The following IGSF10 variants were observed in gnomAD, a reference collection of about 807,000 sequenced individuals.
IGSF10 encodes calvaria mechanical force protein 608.
In IGSF10, 126 loss-of-function variants were observed where a neutral mutation model predicts 128.2. The ratio of observed to expected loss-of-function variants is 0.98; its 90% CI spans 0.85 to 1.14. The LOEUF is 1.14. Among genes scored for constraint, IGSF10 ranks in the 50% most tolerant of loss-of-function variants. The pLI is 0.00. For synonymous variants in IGSF10, 1,185 were observed against 1,146.2 expected (o/e 1.03, Z -0.68); for missense variants, 3,295 against 3,149.8 (o/e 1.05, Z -1.10).
At chr3:151,474,852 T>C in the IGSF10 span, among the ~76,000 whole-genome samples, 3 of 152,166 alleles carry the variant, frequency 2.0e-5, no homozygotes, top group East Asian at 5.8e-4. Flanking sequence ...GGAACTCCTC[T>C]TTCCAAAACC....
upstream of IGSF10, among the ~76,000 whole-genome samples, chr3:151,462,801 G>A (rs890477961): frequency 1.5e-4 from 10 of 65,906 alleles, no homozygotes; most frequent in African/African-American, 5.1e-4. Flanking sequence ...CTAGAAGCAT[G>A]TATATGAACA....
the IGSF10 span, among the ~76,000 whole-genome samples, chr3:151,572,080 G>A: frequency 5.3e-5 from 8 of 152,136 alleles, no homozygotes; most frequent in South Asian, 2.1e-4. Flanking sequence ...CGACTTGATC[G>A]TGGTGGATAA....
the IGSF10 span, among the ~76,000 whole-genome samples, chr3:151,561,242 T>C: frequency 6.6e-6 from 1 of 152,178 alleles, no homozygotes. Flanking sequence ...TAATTTTTTC[T>C]TTAAAACAAA....
At chr3:151,560,835 A>G in the IGSF10 span, among the ~76,000 whole-genome samples, 1 of 152,198 alleles carries the variant, frequency 6.6e-6, no homozygotes, top group African/African-American at 2.4e-5. Context: ...ATGTGTGAGC[A>G]AATTAATCAA....
chr3:151,446,221 TGG>T lies in IGSF10; in HGVS notation c.3758_3759del (p.Thr1253AsnfsTer12). The T allele has an allele frequency of 6.2e-7, 1 of 1,613,570 alleles. No individual in the cohort carries two copies. The highest frequency in any genetic ancestry group is 1.1e-5 in the South Asian group (1 of 91,044). On this transcript the variant is annotated frameshift_variant, in exon 6 of 8. Transcript: ENST00000282466. LOFTEE classifies it high-confidence loss of function. ...ATTTGCATCACACTTGTTGAAAGTG[TGG>T]TGAAATGGAAAGGGGAGACTTTGTC... The part of the protein sequence containing the change: ...PRDKVSPFHF[T>X]TLSTSVMQIP...
chr3:151,453,367 A>C lies in IGSF10; in HGVS notation c.715+17T>G. The C allele has an allele frequency of 6.5e-7, 1 of 1,544,090 alleles. No individual in the cohort carries two copies. Among genetic ancestry groups the C allele is most frequent in the Non-Finnish European group, 8.7e-7 (1 of 1,151,082 alleles). ...TCCTCCACTTAATTGGGACAAAAAA[A>C]TAAACAATATAGATACCTGGCTTCT... On this transcript the variant is annotated intron_variant, in intron 5 of 7. Coordinates refer to ENST00000282466, the MANE Select transcript of IGSF10 (RefSeq NM_178822.5).
the IGSF10 span, among the ~76,000 whole-genome samples, chr3:151,617,320 C>CTTCTTCTTCTTCTCCTCCTCCT: frequency 2.4e-5 from 2 of 83,630 alleles, no homozygotes; most frequent in Admixed American, 1.3e-4. Flanking sequence ...CTTCTTCTTC[C>CTTCTTCTTCTTCTCCTCCTCCT]CCTCCTCCTC....
chr3:151,567,443 A>G, the IGSF10 span, among the ~76,000 whole-genome samples: 26 of 152,152 alleles, frequency 1.7e-4, no homozygotes, highest in Non-Finnish European at 1.3e-4. Context: ...AACAAGAAAA[A>G]CTTTCACTGT....
the IGSF10 span, among the ~76,000 whole-genome samples, chr3:151,594,816 T>C: frequency 6.6e-6 from 1 of 151,840 alleles, no homozygotes; most frequent in Admixed American, 6.6e-5. Flanking sequence ...ACATTCCAGG[T>C]GATATCCTAA....
At position 151,437,606 on chromosome 3, in the gene IGSF10, C is replaced by T; in HGVS notation, c.6955G>A (p.Gly2319Ser). 6.2e-7 allele frequency: 1 copy of T among 1,614,166 alleles called. No individual in the cohort carries two copies. The highest frequency in any genetic ancestry group is 8.5e-7 in the Non-Finnish European group (1 of 1,180,036). ...ADFICVARNE[G>S]GESVLVVQLE... ...TGTACTACCAACACGCTCTCTCCAC[C>T]TTCATTTCGGGCCACACAGATAAAG... Residue 2319 changes from glycine (G) to serine (S), a missense_variant, in exon 8 of 8, where the codon GGT (glycine) becomes AGT (serine). Coordinates refer to ENST00000282466, the MANE Select transcript of IGSF10 (RefSeq NM_178822.5).
rs1480774104 is a variant in IGSF10 at position 151,458,721 on chromosome 3, A to G, written c.-1-11T>C. 6.2e-7 allele frequency: 1 copy of G among 1,609,364 alleles called. No individual in the cohort carries two copies. Among genetic ancestry groups the G allele is most frequent in the Admixed American group, 1.7e-5 (1 of 59,722 alleles). ...CCTTTTACCTTCATCCTGAAAAAACATCATACCTCAGAGTTATAAAGAGTG... is the reference window on the plus strand; with the variant it reads ...CCTTTTACCTTCATCCTGAAAAAACGTCATACCTCAGAGTTATAAAGAGTG... On this transcript the variant is annotated splice_polypyrimidine_tract_variant and intron_variant, in intron 2 of 7. Coordinates refer to ENST00000282466, the MANE Select transcript of IGSF10 (RefSeq NM_178822.5).
the IGSF10 span, among the ~76,000 whole-genome samples, chr3:151,514,284 G>C: frequency 3.3e-5 from 5 of 151,904 alleles, no homozygotes; most frequent in East Asian, 9.6e-4. Context: ...GTAAACCAAT[G>C]GAACAGAACA....
the IGSF10 span, among the ~76,000 whole-genome samples, chr3:151,488,433 G>A: frequency 4.4e-4 from 67 of 152,112 alleles, no homozygotes; most frequent in Non-Finnish European, 7.8e-4. Context: ...TCCCCATCAA[G>A]CTACAATTGA....
At position 151,458,679 on chromosome 3, in the gene IGSF10, A is replaced by G. The variant is rs994078116; in HGVS notation, c.31T>C (p.Leu11=). Residue 11 remains leucine, a synonymous_variant, in exon 3 of 8, where the codon TTG becomes CTG. Transcript: ENST00000282466. The part of the protein sequence containing the change: MKVKGRGITC[L]LVSFAVICLV... ...CAGATCACAGCAAAGGAGACCAGCAAGCAGGTGATTCCTCTGCCTTTTACC... is the reference window on the plus strand; with the variant it reads ...CAGATCACAGCAAAGGAGACCAGCAGGCAGGTGATTCCTCTGCCTTTTACC... 6.2e-7 allele frequency: 1 copy of G among 1,613,972 alleles called. No homozygotes were observed.
At chr3:151,558,399 A>G in the IGSF10 span, among the ~76,000 whole-genome samples, 3 of 152,116 alleles carry the variant, frequency 2.0e-5, no homozygotes, top group African/African-American at 7.2e-5. Context: ...AATAAATGGA[A>G]TGAAAGACCA....
rs138198267 is a variant in IGSF10 at position 151,458,545 on chromosome 3, G to C, written c.165C>G (p.Ile55Met). ...AATTGATGCGTTCCACATTGGGCGG[G>C]ATGCTGTCTGGGATGGAAGTCAGGT... ...FRYLTSIPDS[I>M]PPNVERINLG... Residue 55 changes from isoleucine to methionine, a missense_variant, in exon 3 of 8, where the codon ATC becomes ATG. Transcript: ENST00000282466. 8.1e-6 allele frequency: 13 copies of C among 1,614,038 alleles called. No homozygotes were observed. Among genetic ancestry groups the C allele is most frequent in the Non-Finnish European group, 1.1e-5 (13 of 1,179,994 alleles).
the IGSF10 span, among the ~76,000 whole-genome samples, chr3:151,505,416 T>C: frequency 4.9e-4 from 74 of 152,240 alleles, no homozygotes; most frequent in African/African-American, 1.7e-3. Context: ...GTCCCTCCCA[T>C]CACAAGTGGG....
Position 151,461,031 on chromosome 3 carries a change from A to T in IGSF10, c.-174T>A. 1.0e-6 allele frequency: 1 copy of T among 985,042 alleles called. No individual in the cohort carries two copies. Among genetic ancestry groups the T allele is most frequent in the African/African-American group, 1.7e-5 (1 of 57,194 alleles). 61.0% of individuals were successfully genotyped at this position (985,042 alleles called of 1,614,324 possible). A position where few individuals can be genotyped will look rare whatever the true frequency, so the allele number is the denominator to read the frequency against. ...GGGCTCAGCTGCTGGGGTCGTGCGGAGCTGGTCCGGAGCTCTGGGAGGGAA... is the reference window on the plus strand; with the variant it reads ...GGGCTCAGCTGCTGGGGTCGTGCGGTGCTGGTCCGGAGCTCTGGGAGGGAA... On this transcript the variant is annotated 5_prime_UTR_variant, in exon 1 of 8. Coordinates refer to ENST00000282466, the MANE Select transcript of IGSF10 (RefSeq NM_178822.5).
chr3:151,488,777 A>G, the IGSF10 span, among the ~76,000 whole-genome samples: 6 of 152,364 alleles, frequency 3.9e-5, no homozygotes, highest in East Asian at 9.6e-4. Context: ...CCATATGGAG[A>G]AAGCTGAAAC....
Sources: gnomAD v4.1 joint callset for allele counts (sites outside exome capture counted in the v4.1 genomes callset) on GRCh38, gnomAD v4.1.1 for gene constraint, MANE v1.5 for transcripts, NCBI Gene and HGNC (gene_info 2026-07-23, HGNC 2026-07-21) for gene names.